AKT3: variants seen among roughly 807,000 people sequenced by gnomAD.
AKT3 encodes the protein AKT serine/threonine kinase 3.
In AKT3, 15 loss-of-function variants were observed where a neutral mutation model predicts 65.3. That is an observed-to-expected ratio of 0.23 (90% CI 0.15 to 0.35). The LOEUF (loss-of-function observed/expected upper bound fraction) is 0.35. Among genes scored for constraint, AKT3 ranks in the 10% least tolerant of loss-of-function variants. The pLI is 1.00. For missense variants in AKT3, 243 were observed against 576.5 expected (o/e 0.42, Z 5.92); for synonymous variants, 206 against 183.8 (o/e 1.12, Z -0.98).
chr1:243,810,433 G>A (rs890520833), intron 2 of AKT3, among the ~76,000 whole-genome samples: 3 of 151,996 alleles, frequency 2.0e-5, no homozygotes, highest in Non-Finnish European at 2.9e-5. Context: ...TAGAAGAAAC[G>A]GATAAATTCC....
At chr1:243,660,989 C>G (rs531911260) in intron 4 of AKT3, among the ~76,000 whole-genome samples, 18 of 152,234 alleles carry the variant, frequency 1.2e-4, no homozygotes, top group Admixed American at 2.0e-4. Flanking sequence ...ACCTAGGAAT[C>G]CAACTTACAA....
chr1:243,641,531 T>G (rs915990192), intron 5 of AKT3, among the ~76,000 whole-genome samples: 5 of 152,000 alleles, frequency 3.3e-5, no homozygotes, highest in African/African-American at 1.2e-4. Flanking sequence ...AAAATGAAAT[T>G]GAATTATTGG....
rs1212654653 is a variant in AKT3, at chr1:243,501,763, T to G, written c.*3486A>C. The G allele has an allele frequency of 3.0e-5, 7 of 232,854 alleles. No individual in the cohort carries two copies. The highest frequency in any genetic ancestry group is 1.5e-4 in the African/African-American group (7 of 45,340). 14.4% of individuals were successfully genotyped at this position (232,854 alleles called of 1,614,324 possible). On this transcript the variant is annotated 3_prime_UTR_variant, in exon 14 of 14. Transcript: ENST00000673466. ...CATCCAACAACAATAAACAGAGAAG[T>G]AGCAGATTGACATAGTGCTTTATTT...
intron 2 of AKT3, among the ~76,000 whole-genome samples, chr1:243,787,621 T>G (rs1163167194): frequency 6.6e-6 from 1 of 152,220 alleles, no homozygotes; most frequent in East Asian, 1.9e-4. Context: ...TTGTTTCCCT[T>G]GCAATTAATA....
intron 9 of AKT3, among the ~76,000 whole-genome samples, chr1:243,567,487 CT>C (rs993323556): frequency 0.052 from 6,314 of 122,282 alleles, 224 homozygotes; most frequent in East Asian, 0.11. Context: ...TTGTTTCTTC[CT>C]TTTTTTTTTT....
intron 2 of AKT3, among the ~76,000 whole-genome samples, chr1:243,771,983 C>G (rs1326331065): frequency 6.6e-6 from 1 of 152,118 alleles, no homozygotes; most frequent in African/African-American, 2.4e-5. Context: ...ACTAGCTAGC[C>G]ATATGTAGAA....
intron 13 of AKT3, among the ~76,000 whole-genome samples, chr1:243,507,740 A>G (rs1669760706): frequency 6.6e-6 from 1 of 152,256 alleles, no homozygotes; most frequent in Non-Finnish European, 1.5e-5. Context: ...TCCAAGGAAC[A>G]TCAGTTGCCT....
intron 12 of AKT3, among the ~76,000 whole-genome samples, chr1:243,539,777 GA>G (rs1376937207): frequency 2.0e-5 from 3 of 152,114 alleles, no homozygotes; most frequent in African/African-American, 7.2e-5. Context: ...AAACTCTTTT[GA>G]AATGAAAACA....
chr1:243,719,793 A>C (rs1686759607), intron 2 of AKT3, among the ~76,000 whole-genome samples: 1 of 152,154 alleles, frequency 6.6e-6, no homozygotes, highest in Non-Finnish European at 1.5e-5. Flanking sequence ...GGCATGCGTT[A>C]ATTCTGCTCA....
intron 1 of AKT3, among the ~76,000 whole-genome samples, chr1:243,847,446 T>C (rs1245678260): frequency 1.3e-5 from 2 of 152,168 alleles, no homozygotes; most frequent in African/African-American, 4.8e-5. Flanking sequence ...TAGCTATCTT[T>C]TCACGAAAAT....
At chr1:243,643,393 C>T (rs1269422550) in intron 5 of AKT3, among the ~76,000 whole-genome samples, 3 of 152,194 alleles carry the variant, frequency 2.0e-5, no homozygotes, top group Non-Finnish European at 2.9e-5. Context: ...TCTCACTTGG[C>T]TTTTTATCCT....
At chr1:243,516,983 G>A (rs1454706352) in intron 12 of AKT3, among the ~76,000 whole-genome samples, 1 of 152,004 alleles carries the variant, frequency 6.6e-6, no homozygotes, top group African/African-American at 2.4e-5. Context: ...ATTGTATTTA[G>A]TACTATAAAT....
At chr1:243,765,628 C>G (rs1231892358) in intron 2 of AKT3, among the ~76,000 whole-genome samples, 2 of 152,028 alleles carry the variant, frequency 1.3e-5, no homozygotes, top group Non-Finnish European at 2.9e-5. Context: ...CCCTTGTTAA[C>G]CAAACAAAAA....
intron 8 of AKT3, among the ~76,000 whole-genome samples, chr1:243,577,134 T>A (rs1390084241): frequency 6.6e-6 from 1 of 152,016 alleles, no homozygotes; most frequent in Admixed American, 6.5e-5. Flanking sequence ...GGGAAGGACA[T>A]CCTATTGATT....
At chr1:243,654,236 C>T (rs1189010420) in intron 4 of AKT3, among the ~76,000 whole-genome samples, 1 of 152,196 alleles carries the variant, frequency 6.6e-6, no homozygotes, top group Admixed American at 6.5e-5. Flanking sequence ...AATACAGCAA[C>T]CTCACAAAAA....
chr1:243,790,368 C>T (rs894899345), intron 2 of AKT3, among the ~76,000 whole-genome samples: 9 of 152,170 alleles, frequency 5.9e-5, no homozygotes, highest in Non-Finnish European at 8.8e-5. Context: ...GTTACGGAGA[C>T]GGCTTCTTTC....
chr1:243,519,711 A>T (rs1670592043), intron 12 of AKT3, among the ~76,000 whole-genome samples: 1 of 152,124 alleles, frequency 6.6e-6, no homozygotes, highest in African/African-American at 2.4e-5. Flanking sequence ...GAGAGCTTTC[A>T]TGAGAAATCA....
At chr1:243,695,455 A>G in intron 3 of AKT3, 136 bp downstream of exon 3, 1 of 721,068 alleles carries the variant, frequency 1.4e-6, no homozygotes, top group Non-Finnish European at 2.1e-6. Context: ...CTGAAATTCT[A>G]TCAAAGCTGA....
At chr1:243,584,618 T>C (rs889732920) in intron 8 of AKT3, among the ~76,000 whole-genome samples, 4 of 152,188 alleles carry the variant, frequency 2.6e-5, no homozygotes, top group African/African-American at 9.6e-5. Context: ...ATTCCTGGGA[T>C]GCAAGGGTGG....
Sources: allele counts gnomAD v4.1 joint callset (sites outside exome capture counted in the v4.1 genomes callset), GRCh38; gene constraint gnomAD v4.1.1; transcripts MANE v1.5; gene names NCBI Gene and HGNC (gene_info 2026-07-23, HGNC 2026-07-21).